Variants in SLC35F3 observed in about 807,000 individuals in gnomAD.
SLC35F3 encodes the protein putative thiamine transporter SLC35F3.
Under a neutral mutation model 49.9 loss-of-function variants are expected in SLC35F3, and 25 were observed. That is an observed-to-expected ratio of 0.50 (90% CI 0.37 to 0.70). SLC35F3 has a LOEUF of 0.70. Ranked by LOEUF, SLC35F3 falls within the 30% of genes least tolerant of loss-of-function variation. The pLI, the probability that SLC35F3 is intolerant of heterozygous loss-of-function variation, is 0.00. For synonymous variants in SLC35F3, 275 were observed against 265.4 expected, an observed-to-expected ratio of 1.04 and a Z score of -0.35; for missense variants, 525 against 639.8, an observed-to-expected ratio of 0.82 and a Z score of 1.94.
At chr1:234,182,648 C>T (rs1196741159) in intron 2 of SLC35F3, among the ~76,000 whole-genome samples, 2 of 152,132 alleles carry the variant, frequency 1.3e-5, no homozygotes, top group South Asian at 2.1e-4. Flanking sequence ...TGCCAAATTC[C>T]TCTTTATAGG....
chr1:234,286,805 C>T (rs1668427618), intron 3 of SLC35F3, among the ~76,000 whole-genome samples: 1 of 152,190 alleles, frequency 6.6e-6, no homozygotes, highest in Admixed American at 6.5e-5. Flanking sequence ...AAACTTCTGT[C>T]ACGACATGAC....
chr1:234,199,451 G>A (rs1303772744), intron 2 of SLC35F3, among the ~76,000 whole-genome samples: 4 of 152,128 alleles, frequency 2.6e-5, no homozygotes, highest in Non-Finnish European at 5.9e-5. Context: ...GCAGAAGAAT[G>A]AAATTGGACC....
At chr1:234,010,001 A>G (rs1558204382) in intron 2 of SLC35F3, among the ~76,000 whole-genome samples, 4 of 152,232 alleles carry the variant, frequency 2.6e-5, no homozygotes, top group Admixed American at 6.5e-5. Flanking sequence ...AATAAATTGA[A>G]ATTAAAATTA....
chr1:234,298,813 T>C (rs1572141129), intron 3 of SLC35F3, among the ~76,000 whole-genome samples: 1 of 152,172 alleles, frequency 6.6e-6, no homozygotes, highest in South Asian at 2.1e-4. Context: ...ACCCTCCCTT[T>C]AAGAAAAATT....
At chr1:234,263,228 C>T (rs2102969365) in intron 3 of SLC35F3, among the ~76,000 whole-genome samples, 1 of 151,982 alleles carries the variant, frequency 6.6e-6, no homozygotes, top group Admixed American at 6.5e-5. Flanking sequence ...GAGTTGGGGA[C>T]TAGGAGTTAA....
chr1:234,017,157 C>T lies in SLC35F3; in HGVS notation c.283+111399C>T, dbSNP rs192329564. On this transcript the variant is annotated intron_variant, in intron 2 of 7. Transcript: ENST00000366618. ...TGCTCCACAAAGTTACCATGAAGAG[C>T]GAATTAGTGAATACTGAACAGTTTC... 1.6e-4 allele frequency among the ~76,000 whole-genome samples: 24 copies of T among 152,240 alleles called. No homozygotes were observed. In the South Asian group the frequency reaches 1.9e-3, roughly 12 times the overall value.
At chr1:234,303,979 T>C (rs1395683393) in intron 3 of SLC35F3, among the ~76,000 whole-genome samples, 1 of 152,020 alleles carries the variant, frequency 6.6e-6, no homozygotes, top group African/African-American at 2.4e-5. Flanking sequence ...TTAGACTTTC[T>C]GGTTTAATCT....
Position 234,146,481 on chromosome 1 carries a change from CTTTTTTT to C in SLC35F3, c.284-84918_284-84912del, listed in dbSNP as rs869146212. On this transcript the variant is annotated intron_variant, in intron 2 of 7. Transcript: ENST00000366618. ...AATAAAAGTTACCAAGATATTTGCT[CTTTTTTT>C]TTTTTTTTTTTTTTTTTCTGGAGAC... is the stretch of plus-strand genomic sequence containing the variant. Among the ~76,000 whole-genome samples, 4 of 74,040 alleles carry C rather than the reference CTTTTTTT, an allele frequency of 5.4e-5. No homozygotes were observed. In the East Asian group the frequency reaches 3.5e-3, roughly 65 times the overall value. The allele number at this position is 74,040 out of a possible 152,430, so 48.6% of individuals were successfully genotyped here.
rs530113165 is a variant in SLC35F3, at chr1:234,159,317, G to A, written c.284-72100G>A. Among the ~76,000 whole-genome samples the A allele has an allele frequency of 7.3e-4, 111 of 152,192 alleles. 1 individual carries two copies. The highest frequency in any genetic ancestry group is 2.1e-3 in the African/African-American group (87 of 41,526). On this transcript the variant is annotated intron_variant, in intron 2 of 7. Transcript: ENST00000366618. ...ACATAGGCTGGGCACGGTGGTTCAC[G>A]CCTGTATCCAGCACTTTGGGAGACT...
chr1:234,285,202 C>T, intron 3 of SLC35F3: 1 of 393,392 alleles, frequency 2.5e-6, no homozygotes, highest in South Asian at 2.0e-5. Context: ...TAGACTCATG[C>T]ACAGAACATG....
chr1:234,290,531 G>A (rs1668490228), intron 3 of SLC35F3, among the ~76,000 whole-genome samples: 1 of 152,188 alleles, frequency 6.6e-6, no homozygotes. Context: ...AAGTGGAAGT[G>A]ATGGCTTCAC....
In SLC35F3 at chr1:234,058,664, T is replaced by C. The variant is rs192474587; in HGVS notation, c.283+152906T>C. 1.2e-3 allele frequency among the ~76,000 whole-genome samples: 184 copies of C among 152,314 alleles called. 4 individuals are homozygous for C. Among genetic ancestry groups the C allele is most frequent in the Admixed American group, 0.011 (169 of 15,288 alleles). On this transcript the variant is annotated intron_variant, in intron 2 of 7. Transcript: ENST00000366618. ...CCAGTCCCTGGATTTTGTTTGGTATTATTTTATCGAGAATTTTTGCACCCA... is the reference window on the plus strand; with the variant it reads ...CCAGTCCCTGGATTTTGTTTGGTATCATTTTATCGAGAATTTTTGCACCCA...
At chr1:234,177,366 G>A (rs1666491594) in intron 2 of SLC35F3, among the ~76,000 whole-genome samples, 4 of 152,154 alleles carry the variant, frequency 2.6e-5, no homozygotes, top group Admixed American at 2.6e-4. Context: ...TAAGGCTTCA[G>A]GTTAAACCAT....
intron 2 of SLC35F3, among the ~76,000 whole-genome samples, chr1:234,089,037 C>T (rs924035557): frequency 6.6e-6 from 1 of 152,242 alleles, no homozygotes; most frequent in Non-Finnish European, 1.5e-5. Context: ...GCTGGGATTA[C>T]AGGCATTAGC....
chr1:234,170,741 A>G (rs917989600), intron 2 of SLC35F3, among the ~76,000 whole-genome samples: 1 of 152,220 alleles, frequency 6.6e-6, no homozygotes, highest in Non-Finnish European at 1.5e-5. Flanking sequence ...TGACCAGGTT[A>G]CCTAACTTAA....
intron 3 of SLC35F3, among the ~76,000 whole-genome samples, chr1:234,289,055 T>A (rs936504353): frequency 1.3e-5 from 2 of 152,152 alleles, no homozygotes; most frequent in African/African-American, 4.8e-5. Flanking sequence ...AGCATAGCCA[T>A]GATGAGCACA....
At chr1:234,198,572 A>G (rs1666849236) in intron 2 of SLC35F3, among the ~76,000 whole-genome samples, 1 of 151,492 alleles carries the variant, frequency 6.6e-6, no homozygotes, top group Non-Finnish European at 1.5e-5. Context: ...TTTTTATTCT[A>G]GCCATTCTAG....
At chr1:234,007,849 A>G (rs1008793750) in intron 2 of SLC35F3, among the ~76,000 whole-genome samples, 1 of 152,212 alleles carries the variant, frequency 6.6e-6, no homozygotes, top group Non-Finnish European at 1.5e-5. Context: ...AGGAATATGT[A>G]CATGGAGTCC....
chr1:234,140,002 A>AAAAAAAT, intron 2 of SLC35F3, among the ~76,000 whole-genome samples: 1 of 105,368 alleles, frequency 9.5e-6, no homozygotes, highest in Non-Finnish European at 2.4e-5. Flanking sequence ...AATAAAATAA[A>AAAAAAAT]GTAAGTGACT....
Sources: gnomAD v4.1 joint callset for allele counts (sites outside exome capture counted in the v4.1 genomes callset) on GRCh38, gnomAD v4.1.1 for gene constraint, MANE v1.5 for transcripts, NCBI Gene and HGNC (gene_info 2026-07-23, HGNC 2026-07-21) for gene names.